TC2N: variants seen among roughly 807,000 people sequenced by gnomAD.
TC2N encodes the protein tandem C2 domains, nuclear, also known as tandem C2 domains nuclear protein.
TC2N carries 51 observed loss-of-function variants against 61.9 expected under a neutral mutation model. The ratio of observed to expected loss-of-function variants is 0.82; its 90% CI spans 0.66 to 1.04. The LOEUF (loss-of-function observed/expected upper bound fraction) is 1.04. Among genes scored for constraint, TC2N ranks in the 50% least tolerant of loss-of-function variants. TC2N has a pLI of 0.00. For missense variants in TC2N, 556 were observed against 566.7 expected (o/e 0.98, Z 0.19); for synonymous variants, 204 against 192.6 (o/e 1.06, Z -0.49).
intron 1 of TC2N, among the ~76,000 whole-genome samples, chr14:91,859,356 ACTC>A (rs1278105810): frequency 6.6e-6 from 1 of 151,176 alleles, no homozygotes; most frequent in African/African-American, 2.4e-5. Context: ...CTCTACCAAA[ACTC>A]CTCCTCCTGA....
intron 10 of TC2N, among the ~76,000 whole-genome samples, chr14:91,787,291 T>C (rs1202237275): frequency 6.6e-6 from 1 of 152,006 alleles, no homozygotes; most frequent in East Asian, 1.9e-4. Context: ...AAAAACAGTA[T>C]CAAAGGCAGA....
rs1372298636 is a variant in TC2N, at chr14:91,792,518, A to G, written c.896T>C (p.Leu299Pro). ...FMETFVFAIKLQNLQTVRLVF... is the reference protein window; with the variant it reads ...FMETFVFAIKPQNLQTVRLVF... ...AAGTCTTACAGTTTGTAGATTTTGA[A>G]GTTTAATAGCAAATACAAACGTTTC... The change falls in exon 9 of 12, where the codon CTT (leucine) becomes CCT (proline). Residue 299 changes from leucine to proline, a missense_variant. Coordinates refer to ENST00000435962, the MANE Select transcript of TC2N (RefSeq NM_001128596.3). 1 of 1,596,146 alleles carries G rather than the reference A, an allele frequency of 6.3e-7. No homozygotes were observed. Among genetic ancestry groups the G allele is most frequent in the Non-Finnish European group, 8.6e-7 (1 of 1,168,956 alleles).
chr14:91,854,533 G>A (rs1257951237), intron 1 of TC2N, among the ~76,000 whole-genome samples: 1 of 148,678 alleles, frequency 6.7e-6, no homozygotes, highest in African/African-American at 2.5e-5. Flanking sequence ...AGGAGGAGGA[G>A]GAGGGGGTAA....
intron 1 of TC2N, among the ~76,000 whole-genome samples, chr14:91,822,714 CTTT>C (rs35093902): frequency 3.2e-5 from 4 of 125,420 alleles, no homozygotes; most frequent in Middle Eastern, 3.6e-3. Context: ...TACTCATTAT[CTTT>C]TTTTTTTTTT....
chr14:91,851,176 G>C (rs983621360), intron 1 of TC2N, among the ~76,000 whole-genome samples: 1 of 152,184 alleles, frequency 6.6e-6, no homozygotes, highest in Non-Finnish European at 1.5e-5. Flanking sequence ...TGGAAAAATT[G>C]TCTTCCACGA....
rs2139839959 is a variant in TC2N, at chr14:91,798,357, A to G, written c.680T>C (p.Leu227Pro). The change falls in exon 7 of 12, where the codon CTG becomes CCG. Residue 227 changes from leucine (L) to proline (P), a missense_variant. Leu to Pro is a moderately conservative substitution (Grantham distance 98). Transcript: ENST00000435962. ...AGAATTATAAAACAATTTCACATTCAGTCTCCCAAAGTCCCTTTCATCTCC... is the reference window on the plus strand; with the variant it reads ...AGAATTATAAAACAATTTCACATTCGGTCTCCCAAAGTCCCTTTCATCTCC... ...LSGDERDFGRLNVKLFYNSSV... is the reference protein window; with the variant it reads ...LSGDERDFGRPNVKLFYNSSV... 1.3e-6 allele frequency: 2 copies of G among 1,594,390 alleles called. No homozygotes were observed. Among genetic ancestry groups the G allele is most frequent in the Non-Finnish European group, 1.7e-6 (2 of 1,168,892 alleles).
At position 91,785,360 on chromosome 14, in the gene TC2N, A is replaced by T; in HGVS notation, c.1164T>A (p.Ser388Arg). Residue 388 changes from serine (S) to arginine (R), a missense_variant and splice_region_variant, in exon 11 of 12, where the codon AGT (serine) becomes AGA (arginine). Coordinates refer to ENST00000435962, the MANE Select transcript of TC2N (RefSeq NM_001128596.3). ...TAAACATTCCCACCTTCACGAAAAA[A>T]CCTAAAAAATTAGAAATATTGGTTT... ...LPSSSTPLTL[S>R]FFVKVGMFSS... 6.2e-7 allele frequency: 1 copy of T among 1,611,670 alleles called. No individual in the cohort carries two copies. The highest frequency in any genetic ancestry group is 2.2e-5 in the East Asian group (1 of 44,806).
intron 4 of TC2N, among the ~76,000 whole-genome samples, chr14:91,801,080 G>GTGTATATA (rs1555369520): frequency 3.6e-5 from 4 of 111,436 alleles, no homozygotes; most frequent in African/African-American, 1.4e-4. Flanking sequence ...ATGTGTGTGT[G>GTGTATATA]TATATATATA....
chr14:91,785,411 T>TAA (rs1566758835), intron 10 of TC2N, 50 bp from the exon 11 acceptor site: 1 of 1,397,072 alleles, frequency 7.2e-7, no homozygotes, highest in African/African-American at 1.4e-5. Context: ...AAATACCATA[T>TAA]AAAGATGTGT....
At chr14:91,832,164 G>A (rs1044220089) in intron 1 of TC2N, among the ~76,000 whole-genome samples, 2 of 152,120 alleles carry the variant, frequency 1.3e-5, no homozygotes, top group Admixed American at 6.5e-5. Flanking sequence ...TGAGGCAGGT[G>A]GATCACCTGA....
In TC2N at chr14:91,783,215, A is replaced by G. The variant is rs1885208825; in HGVS notation, c.1363-5T>C. The G allele has an allele frequency of 6.6e-7, 1 of 1,510,562 alleles. No homozygotes were observed. The highest frequency in any genetic ancestry group is 1.7e-5 in the Admixed American group (1 of 58,994). 93.6% of individuals were successfully genotyped at this position (1,510,562 alleles called of 1,614,324 possible). On this transcript the variant is annotated splice_polypyrimidine_tract_variant and splice_region_variant and intron_variant, in intron 11 of 11. Coordinates refer to ENST00000435962, the MANE Select transcript of TC2N (RefSeq NM_001128596.3). ...ACTGTCTTCACTTATCCAAATCTGT[A>G]AAGGAAAGTATGTACAATCATTTAA...
At chr14:91,813,853 C>A (rs1166178479) in intron 1 of TC2N, 28 bp from the exon 2 acceptor site, 4 of 920,924 alleles carry the variant, frequency 4.3e-6, no homozygotes, top group Non-Finnish European at 6.9e-6. Context: ...AACAAGTTAA[C>A]CTGCTTGTCA....
At chr14:91,821,847 T>C (rs1047838995) in intron 1 of TC2N, among the ~76,000 whole-genome samples, 1 of 151,920 alleles carries the variant, frequency 6.6e-6, no homozygotes, top group African/African-American at 2.4e-5. Context: ...GCAAAAGATT[T>C]GAAAAGACAC....
chr14:91,843,238 C>T (rs769689294), intron 1 of TC2N, among the ~76,000 whole-genome samples: 12 of 151,766 alleles, frequency 7.9e-5, no homozygotes, highest in Non-Finnish European at 1.6e-4. Context: ...TTTTTTGTAC[C>T]ATGGCATTTT....
At chr14:91,806,675 T>C (rs1385565119) in intron 3 of TC2N, among the ~76,000 whole-genome samples, 2 of 152,138 alleles carry the variant, frequency 1.3e-5, no homozygotes, top group Non-Finnish European at 2.9e-5. Flanking sequence ...CTGGCTGCTG[T>C]TAAAAGCATT....
At chr14:91,830,941 C>T (rs774977599) in intron 1 of TC2N, among the ~76,000 whole-genome samples, 6 of 152,080 alleles carry the variant, frequency 3.9e-5, no homozygotes, top group Non-Finnish European at 7.4e-5. Flanking sequence ...CTTTGTGGTC[C>T]CAGAATTAGC....
At chr14:91,789,984 A>T (rs1005928026) in intron 9 of TC2N, among the ~76,000 whole-genome samples, 1 of 152,182 alleles carries the variant, frequency 6.6e-6, no homozygotes, top group South Asian at 2.1e-4. Flanking sequence ...TACATGGTAG[A>T]GTTAAAAGAG....
chr14:91,803,355 A>G (rs1886349513), intron 3 of TC2N, among the ~76,000 whole-genome samples: 1 of 151,644 alleles, frequency 6.6e-6, no homozygotes, highest in Non-Finnish European at 1.5e-5. Flanking sequence ...GAACATAAAG[A>G]GCATTAATCA....
chr14:91,806,264 T>C (rs748045307), intron 3 of TC2N, among the ~76,000 whole-genome samples: 10 of 152,060 alleles, frequency 6.6e-5, no homozygotes, highest in Non-Finnish European at 1.2e-4. Flanking sequence ...TGGACTAATA[T>C]AGTAAACTGG....
Sources: gnomAD v4.1 joint callset for allele counts (sites outside exome capture counted in the v4.1 genomes callset) on GRCh38, gnomAD v4.1.1 for gene constraint, MANE v1.5 for transcripts, NCBI Gene and HGNC (gene_info 2026-07-23, HGNC 2026-07-21) for gene names.